DNM2: variants seen among roughly 807,000 people sequenced by gnomAD.
The protein encoded by DNM2 is dynamin-2.
DNM2 carries 15 observed loss-of-function variants against 99.0 expected under a neutral mutation model. The observed-to-expected ratio is 0.15, with a 90% CI of 0.10 to 0.23. The LOEUF is 0.23. DNM2 is among the 10% of genes least tolerant of loss of function. The pLI is 1.00. For synonymous variants in DNM2, 525 were observed against 481.2 expected (o/e 1.09, Z -1.19); for missense variants, 742 against 1,189.4 (o/e 0.62, Z 5.53).
chr19:10,803,022 C>T (rs1336189987), intron 12 of DNM2, among the ~76,000 whole-genome samples: 1 of 152,214 alleles, frequency 6.6e-6, no homozygotes, highest in Non-Finnish European at 1.5e-5. Flanking sequence ...CTGGTATGCC[C>T]TCTCGCTGGG....
chr19:10,776,997 C>A, intron 4 of DNM2, 121 bp from the exon 5 acceptor site: 1 of 919,770 alleles, frequency 1.1e-6, no homozygotes, highest in Non-Finnish European at 1.8e-6. Flanking sequence ...GACGTTCTGG[C>A]TTTCCCAGGT....
At chr19:10,731,521 T>A (rs1471030664) in intron 1 of DNM2, among the ~76,000 whole-genome samples, 1 of 151,880 alleles carries the variant, frequency 6.6e-6, no homozygotes, top group East Asian at 1.9e-4. Flanking sequence ...CCTGGCTAAT[T>A]TTTTGTATTT....
At chr19:10,787,719 C>T (rs1359503926) in intron 7 of DNM2, among the ~76,000 whole-genome samples, 1 of 145,732 alleles carries the variant, frequency 6.9e-6, no homozygotes, top group Non-Finnish European at 1.5e-5. Flanking sequence ...CACGCCACTG[C>T]ACTCCAGCCT....
intron 1 of DNM2, among the ~76,000 whole-genome samples, chr19:10,753,008 C>A (rs1156585732): frequency 6.6e-6 from 1 of 152,060 alleles, no homozygotes; most frequent in Non-Finnish European, 1.5e-5. Flanking sequence ...CCTGTGATCC[C>A]AGCTACTTGG....
rs1386064617 is a variant in DNM2, at chr19:10,796,385, CAG to C, written c.1196+947_1196+948del. Among the ~76,000 whole-genome samples, 1 of 152,146 alleles carries C rather than the reference CAG, an allele frequency of 6.6e-6. No homozygotes were observed. Among genetic ancestry groups the C allele is most frequent in the Non-Finnish European group, 1.5e-5 (1 of 68,024 alleles). On this transcript the variant is annotated intron_variant, in intron 9 of 20. Transcript: ENST00000389253. This position sits in a 1 kb window ranked among gnomAD's most constrained non-coding sequence, Gnocchi z 5.6. ...GCATGTAGGCCTGGGCCCAGGCACA[CAG>C]GGGAGTGCCAGGCCTCCTGGACTGG...
At chr19:10,749,284 C>G in intron 1 of DNM2, among the ~76,000 whole-genome samples, 1 of 152,208 alleles carries the variant, frequency 6.6e-6, no homozygotes. Context: ...CCTGGTGGAG[C>G]CTTGTGGTCT....
intron 1 of DNM2, among the ~76,000 whole-genome samples, chr19:10,742,520 T>C (rs1480561266): frequency 6.6e-6 from 1 of 152,200 alleles, no homozygotes; most frequent in East Asian, 1.9e-4. Context: ...AGTGGCAGCC[T>C]TCATTCAGTT....
In DNM2 at chr19:10,786,556, T is replaced by G. The variant is rs1329869916; in HGVS notation, c.850-8T>G. 2 of 1,614,044 alleles carry G rather than the reference T, an allele frequency of 1.2e-6. No homozygotes were observed. The highest frequency in any genetic ancestry group is 1.1e-5 in the South Asian group (1 of 91,082). ...CACCCTTTCTGATCTCTGACCTCTC[T>G]CCTGCAGCAACTGACCAACCACATC... is the stretch of plus-strand genomic sequence containing the variant. On this transcript the variant is annotated splice_polypyrimidine_tract_variant and splice_region_variant and intron_variant, in intron 6 of 20. Coordinates refer to ENST00000389253, the MANE Select transcript of DNM2 (RefSeq NM_001005361.3).
chr19:10,817,874 G>A lies in DNM2; in HGVS notation c.1672-2106G>A, dbSNP rs1030299702. 2.0e-5 allele frequency among the ~76,000 whole-genome samples: 3 copies of A among 151,818 alleles called. No homozygotes were observed. The highest frequency in any genetic ancestry group is 2.1e-4 in the South Asian group (1 of 4,806). Reference sequence around the variant, plus strand: ...CCAGGAAGGCGGCCACTGATTTCTCGGCGGAATCGCACTGTAAACAGTTCC... The same window carrying A: ...CCAGGAAGGCGGCCACTGATTTCTCAGCGGAATCGCACTGTAAACAGTTCC... On this transcript the variant is annotated intron_variant, in intron 15 of 20. Coordinates refer to ENST00000389253, the MANE Select transcript of DNM2 (RefSeq NM_001005361.3). This position sits in a 1 kb window ranked among gnomAD's most constrained non-coding sequence, Gnocchi z 4.6.
At chr19:10,725,210 G>A (rs551997954) in intron 1 of DNM2, among the ~76,000 whole-genome samples, 12 of 152,326 alleles carry the variant, frequency 7.9e-5, no homozygotes, top group African/African-American at 2.9e-4. Context: ...CATTTTGGGA[G>A]GCCGAGGCAG....
chr19:10,800,324 C>T (rs752940582), intron 11 of DNM2, among the ~76,000 whole-genome samples: 2 of 148,800 alleles, frequency 1.3e-5, no homozygotes, highest in African/African-American at 2.5e-5. Flanking sequence ...TGCAGGGAGG[C>T]GCCCAGTTTT....
intron 2 of DNM2, among the ~76,000 whole-genome samples, chr19:10,760,091 T>C (rs1176094034): frequency 6.6e-6 from 1 of 152,068 alleles, no homozygotes; most frequent in African/African-American, 2.4e-5. Context: ...TGGAGTACAG[T>C]GATGCTATCT....
chr19:10,784,982 C>G (rs897175492), intron 6 of DNM2, among the ~76,000 whole-genome samples: 8 of 151,972 alleles, frequency 5.3e-5, no homozygotes, highest in African/African-American at 1.7e-4. Context: ...CGCCACCACA[C>G]TCAACTAACT....
chr19:10,822,376 G>C (rs2073003292), intron 16 of DNM2, among the ~76,000 whole-genome samples: 1 of 151,604 alleles, frequency 6.6e-6, no homozygotes, highest in Admixed American at 6.6e-5. Flanking sequence ...TTTCTGTAGA[G>C]ATGGGGGTGT....
chr19:10,754,780 CAG>C (rs111507069), intron 1 of DNM2, among the ~76,000 whole-genome samples: 15,698 of 151,902 alleles, frequency 0.1, 1,234 homozygotes, highest in East Asian at 0.38. Context: ...TTTGTAGAGA[CAG>C]GGGCTCGTTA....
intron 1 of DNM2, among the ~76,000 whole-genome samples, chr19:10,739,863 A>C (rs1311019310): frequency 2.6e-5 from 3 of 116,056 alleles, no homozygotes; most frequent in African/African-American, 3.7e-5. Context: ...CTCTCTCTCA[A>C]AAAAAAAAAA....
At position 10,818,234 on chromosome 19, in the gene DNM2, C is replaced by T. The variant is rs1894260981; in HGVS notation, c.1672-1746C>T. 6.6e-6 allele frequency among the ~76,000 whole-genome samples: 1 copy of T among 151,694 alleles called. No homozygotes were observed. Among genetic ancestry groups the T allele is most frequent in the South Asian group, 2.1e-4 (1 of 4,810 alleles). On this transcript the variant is annotated intron_variant, in intron 15 of 20. Transcript: ENST00000389253. The surrounding 1 kb of genome is among the most constrained non-coding windows in gnomAD (Gnocchi z 4.3). Reference sequence around the variant, plus strand: ...CCCCTCTCCTATGCTCTGCTCCCTCCATGGCCACCGGGCCCCTCTCCTATG... The same window carrying T: ...CCCCTCTCCTATGCTCTGCTCCCTCTATGGCCACCGGGCCCCTCTCCTATG...
chr19:10,786,851 C>G, intron 7 of DNM2, 145 bp downstream of exon 7: 1 of 1,480,950 alleles, frequency 6.8e-7, no homozygotes, highest in South Asian at 1.2e-5. Flanking sequence ...GTGCCAGGCT[C>G]CATCCTAAGC....
intron 2 of DNM2, among the ~76,000 whole-genome samples, chr19:10,766,767 G>A (rs1280733548): frequency 6.6e-6 from 1 of 152,102 alleles, no homozygotes; most frequent in Non-Finnish European, 1.5e-5. Flanking sequence ...TGTGGTGGGC[G>A]AGGACGGCTG....
Sources: gnomAD v4.1 joint callset for allele counts (sites outside exome capture counted in the v4.1 genomes callset) on GRCh38, gnomAD v4.1.1 for gene constraint, Gnocchi (gnomAD v3.1) non-coding constraint, MANE v1.5 for transcripts, NCBI Gene and HGNC (gene_info 2026-07-23, HGNC 2026-07-21) for gene names.